CLIC5: variants seen among roughly 807,000 people sequenced by gnomAD.
The protein encoded by CLIC5 is chloride intracellular channel protein 5.
A neutral mutation model predicts 24.7 loss-of-function variants in CLIC5; 20 were observed. That is an observed-to-expected ratio of 0.81 (90% CI 0.57 to 1.18). The LOEUF is 1.18. Ranked by LOEUF, CLIC5 falls within the 50% of genes most tolerant of loss-of-function variation. CLIC5 has a pLI of 0.00. For synonymous variants in CLIC5, 159 were observed against 135.6 expected (o/e 1.17, Z -1.20); for missense variants, 341 against 326.1 (o/e 1.05, Z -0.35).
At chr6:46,058,799 G>A (rs995102958) in intron 1 of CLIC5, among the ~76,000 whole-genome samples, 2 of 152,132 alleles carry the variant, frequency 1.3e-5, no homozygotes, top group African/African-American at 4.8e-5. Context: ...TAGAGTCTAG[G>A]TGTTCCAGAT....
At chr6:46,070,588 G>A (rs551826219) in intron 1 of CLIC5, among the ~76,000 whole-genome samples, 1 of 151,988 alleles carries the variant, frequency 6.6e-6, no homozygotes, top group Admixed American at 6.6e-5. Context: ...CAAACAAATG[G>A]AAAAACATTC....
Position 46,015,552 on chromosome 6 carries a change from G to A in CLIC5, c.-10C>T, listed in dbSNP as rs780697322. 3.8e-6 allele frequency: 6 copies of A among 1,566,626 alleles called. No homozygotes were observed. The African/African-American group carries it at 5.5e-5, about 14-fold the overall frequency. The stretch of plus-strand genomic sequence containing the variant: ...TCGCCGAGTCTGTCATGCCGTTGGC[G>A]CCCGGGGCTACCGTCCCGGGCCGGG... On this transcript the variant is annotated 5_prime_UTR_variant, in exon 1 of 6. Transcript: ENST00000339561.
the CLIC5 span, among the ~76,000 whole-genome samples, chr6:46,122,207 G>T: frequency 6.6e-6 from 1 of 152,136 alleles, no homozygotes; most frequent in Non-Finnish European, 1.5e-5. Flanking sequence ...AAATGTAAAA[G>T]AACAGAAATT....
intron 5 of CLIC5, chr6:45,913,877 A>C: frequency 9.0e-7 from 1 of 1,117,180 alleles, no homozygotes; most frequent in Non-Finnish European, 1.1e-6. Context: ...GTAGCCAGGG[A>C]AATCCTATGA....
At position 45,996,897 on chromosome 6, in the gene CLIC5, T is replaced by C. The variant is rs546626994; in HGVS notation, c.63+18583A>G. ...GTGGAGAAATAGGAACACTTTTACATTGTTGGTGGGACTGTAAACTAGTTC... is the reference window on the plus strand; with the variant it reads ...GTGGAGAAATAGGAACACTTTTACACTGTTGGTGGGACTGTAAACTAGTTC... On this transcript the variant is annotated intron_variant, in intron 1 of 5. Coordinates refer to ENST00000339561, the MANE Select transcript of CLIC5 (RefSeq NM_016929.5). Among the ~76,000 whole-genome samples the C allele has an allele frequency of 4.7e-3, 710 of 151,344 alleles. 4 individuals are homozygous for C. Among genetic ancestry groups the C allele is most frequent in the African/African-American group, 0.016 (664 of 41,056 alleles).
At chr6:46,017,807 G>A (rs991315194), upstream of CLIC5, among the ~76,000 whole-genome samples, 11 of 152,180 alleles carry the variant, frequency 7.2e-5, no homozygotes, top group African/African-American at 2.4e-4. Flanking sequence ...TGAAAGGTCA[G>A]GCATCTGATA....
chr6:46,092,216 C>G, the CLIC5 span, among the ~76,000 whole-genome samples: 5 of 152,148 alleles, frequency 3.3e-5, no homozygotes, highest in African/African-American at 7.2e-5. Flanking sequence ...GAAGCCAGAC[C>G]TGAATCCAAG....
chr6:45,962,063 T>TACACAC (rs74732121), intron 1 of CLIC5, among the ~76,000 whole-genome samples: 3,112 of 145,508 alleles, frequency 0.021, 61 homozygotes, highest in African/African-American at 0.045. Flanking sequence ...TATATGTACA[T>TACACAC]ACACACACAC....
At chr6:45,933,414 A>G (rs1040837486) in intron 4 of CLIC5, among the ~76,000 whole-genome samples, 1 of 152,212 alleles carries the variant, frequency 6.6e-6, no homozygotes, top group Non-Finnish European at 1.5e-5. Context: ...ATTATTTTCA[A>G]TGAAGGCAAT....
intron 4 of CLIC5, among the ~76,000 whole-genome samples, chr6:45,916,209 C>T (rs1037509653): frequency 6.6e-6 from 1 of 152,212 alleles, no homozygotes; most frequent in Non-Finnish European, 1.5e-5. Flanking sequence ...TCAATACTTT[C>T]TTCTCCCTGG....
rs1228081377 is a variant in CLIC5, at chr6:45,901,965, C to G, written c.*1123G>C. 6.6e-6 allele frequency: 1 copy of G among 152,610 alleles called. No homozygotes were observed. The highest frequency in any genetic ancestry group is 2.4e-5 in the African/African-American group (1 of 41,426). The allele number at this position is 152,610 out of a possible 1,614,324, so 9.5% of individuals were successfully genotyped here. A position where few individuals can be genotyped will look rare whatever the true frequency, so the allele number is the denominator to read the frequency against. On this transcript the variant is annotated 3_prime_UTR_variant, in exon 6 of 6. Coordinates refer to ENST00000339561, the MANE Select transcript of CLIC5 (RefSeq NM_016929.5). ...AGGCTACAGTTGAATCAGGCAGGAG[C>G]AGCTGCTGGAGAGCACCCAGCCGAC...
rs759324864 is a variant in CLIC5 at position 45,914,367 on chromosome 6, T to A, written c.449A>T (p.Asp150Val). ...CTCTGGTAGAGGGGTGTTCAGGTAG[T>A]CATCCAATTTCTTTAGAGCCTTGGT... is the stretch of plus-strand genomic sequence containing the variant. ...GLTKALKKLDDYLNTPLPEEI... is the reference protein window; with the variant it reads ...GLTKALKKLDVYLNTPLPEEI... The change falls in exon 5 of 6, where the codon GAC becomes GTC. Residue 150 changes from aspartate (D) to valine (V), a missense_variant. Asp to Val is a radical substitution (Grantham distance 152). Coordinates refer to ENST00000339561, the MANE Select transcript of CLIC5 (RefSeq NM_016929.5). 6 of 1,594,452 alleles carry A rather than the reference T, an allele frequency of 3.8e-6. No homozygotes were observed. In the East Asian group the frequency reaches 1.4e-4, roughly 36 times the overall value.
intron 1 of CLIC5, among the ~76,000 whole-genome samples, chr6:46,003,753 C>T (rs1766441904): frequency 6.6e-6 from 1 of 152,176 alleles, no homozygotes; most frequent in Non-Finnish European, 1.5e-5. Flanking sequence ...TTACAGGTAT[C>T]TGGGACCTCC....
At chr6:45,996,996 A>C (rs1389298232) in intron 1 of CLIC5, among the ~76,000 whole-genome samples, 1 of 152,158 alleles carries the variant, frequency 6.6e-6, no homozygotes, top group Non-Finnish European at 1.5e-5. Context: ...CAGCCATCCC[A>C]TTACTGGGTA....
intron 1 of CLIC5, among the ~76,000 whole-genome samples, chr6:46,057,848 C>T (rs142300907): frequency 3.3e-4 from 51 of 152,308 alleles, no homozygotes; most frequent in Admixed American, 7.2e-4. Context: ...TTTCCAACTC[C>T]CTGCTCTACT....
intron 1 of CLIC5, among the ~76,000 whole-genome samples, chr6:46,030,078 G>A (rs973545084): frequency 2.6e-5 from 4 of 152,144 alleles, no homozygotes; most frequent in South Asian, 4.2e-4. Flanking sequence ...TTAACTTTTA[G>A]CCTTTGTAAC....
upstream of CLIC5, among the ~76,000 whole-genome samples, chr6:46,017,537 C>T (rs1028686419): frequency 6.6e-6 from 1 of 152,218 alleles, no homozygotes; most frequent in African/African-American, 2.4e-5. Context: ...GTCCTCTCAA[C>T]TGCTCTACAA....
chr6:45,975,619 A>G (rs1266796837), intron 1 of CLIC5, among the ~76,000 whole-genome samples: 1 of 152,146 alleles, frequency 6.6e-6, no homozygotes, highest in Non-Finnish European at 1.5e-5. Context: ...ATATATATGT[A>G]TATAGTTATG....
the CLIC5 span, among the ~76,000 whole-genome samples, chr6:46,103,909 G>C: frequency 2.0e-5 from 3 of 152,100 alleles, no homozygotes; most frequent in Non-Finnish European, 4.4e-5. Flanking sequence ...TACCCATCAG[G>C]CTCCCAGCCT....
Sources: gnomAD v4.1 joint callset for allele counts (sites outside exome capture counted in the v4.1 genomes callset) on GRCh38, gnomAD v4.1.1 for gene constraint, MANE v1.5 for transcripts, NCBI Gene and HGNC (gene_info 2026-07-23, HGNC 2026-07-21) for gene names.